Variants in EPB41L4A observed in about 807,000 individuals in gnomAD.
The protein encoded by EPB41L4A is erythrocyte membrane protein band 4.1 like 4A, also known as band 4.1-like protein 4A.
In EPB41L4A, 100 loss-of-function variants were observed where a neutral mutation model predicts 108.6. The ratio of observed to expected loss-of-function variants is 0.92; its 90% confidence interval spans 0.78 to 1.09. The LOEUF is 1.09. Among genes scored for constraint, EPB41L4A ranks in the 50% least tolerant of loss-of-function variants. The pLI is 0.00. For missense variants in EPB41L4A, 1,030 were observed against 842.7 expected (o/e 1.22, Z -2.75); for synonymous variants, 319 against 289.0 (o/e 1.10, Z -1.05).
intron 1 of EPB41L4A, among the ~76,000 whole-genome samples, chr5:112,369,204 A>G (rs576447151): frequency 2.0e-5 from 3 of 152,218 alleles, no homozygotes; most frequent in Admixed American, 1.3e-4. Flanking sequence ...ACCAAACCTT[A>G]CAAGTTTTAC....
downstream of EPB41L4A, among the ~76,000 whole-genome samples, chr5:112,159,628 G>A (rs1759776805): frequency 6.6e-6 from 1 of 152,164 alleles, no homozygotes; most frequent in African/African-American, 2.4e-5. Context: ...CACTGGCCAA[G>A]GCCTGCTGTC....
intron 1 of EPB41L4A, 63 bp from the exon 2 acceptor site, chr5:112,307,553 C>A: frequency 9.8e-7 from 1 of 1,020,706 alleles, no homozygotes; most frequent in South Asian, 1.4e-5. Flanking sequence ...AGTACACAGT[C>A]ATGGTTCTCA....
Position 112,275,384 on chromosome 5 carries a change from AC to A in EPB41L4A, c.276del (p.Leu92PhefsTer19). On this transcript the variant is annotated frameshift_variant, in exon 4 of 23. Transcript: ENST00000261486. LOFTEE classifies it high-confidence loss of function. Reference sequence around the variant, plus strand: ...TCAGCATAGAATTTAATACCAAAATACAAAGTATATGGAGGTCCAGCTAAAA... The same window carrying A: ...TCAGCATAGAATTTAATACCAAAATAAAAGTATATGGAGGTCCAGCTAAAA... ...ELINTGPPYT[L>X]YFGIKFYAED... is the part of the protein sequence containing the mutation. 1 of 1,549,204 alleles carries A rather than the reference AC, an allele frequency of 6.5e-7. No homozygotes were observed.
At chr5:112,174,162 A>T (rs916339118) in intron 18 of EPB41L4A, among the ~76,000 whole-genome samples, 1 of 152,228 alleles carries the variant, frequency 6.6e-6, no homozygotes, top group Non-Finnish European at 1.5e-5. Context: ...TCTGATTGCT[A>T]GACCACCTGT....
chr5:112,360,135 T>C (rs1006078979), intron 1 of EPB41L4A, among the ~76,000 whole-genome samples: 1 of 152,150 alleles, frequency 6.6e-6, no homozygotes, highest in Non-Finnish European at 1.5e-5. Flanking sequence ...TTTGTAAAAG[T>C]AATTATCAGG....
intron 3 of EPB41L4A, among the ~76,000 whole-genome samples, chr5:112,277,218 G>T (rs1241240807): frequency 6.6e-6 from 1 of 152,170 alleles, no homozygotes; most frequent in Non-Finnish European, 1.5e-5. Context: ...CACAGATGCT[G>T]CTGAGATGGT....
At chr5:112,218,928 C>G (rs1747838755) in intron 12 of EPB41L4A, among the ~76,000 whole-genome samples, 1 of 152,110 alleles carries the variant, frequency 6.6e-6, no homozygotes, top group African/African-American at 2.4e-5. Flanking sequence ...ATAAATATGA[C>G]ATTAAAAACT....
intron 11 of EPB41L4A, among the ~76,000 whole-genome samples, chr5:112,238,401 T>C (rs1319759884): frequency 6.6e-6 from 1 of 152,234 alleles, no homozygotes; most frequent in East Asian, 1.9e-4. Flanking sequence ...CACTTAAGTA[T>C]TTTTATTCAT....
At chr5:112,336,214 AT>A (rs1479283022) in intron 1 of EPB41L4A, among the ~76,000 whole-genome samples, 1 of 152,214 alleles carries the variant, frequency 6.6e-6, no homozygotes, top group Non-Finnish European at 1.5e-5. Flanking sequence ...AAACAAACAC[AT>A]TTTAAGTTAA....
intron 1 of EPB41L4A, among the ~76,000 whole-genome samples, chr5:112,368,139 C>A (rs1284080903): frequency 2.6e-5 from 4 of 152,134 alleles, no homozygotes; most frequent in African/African-American, 9.7e-5. Context: ...GCTTTTAAGT[C>A]TTTTATTATA....
At chr5:112,377,664 C>G (rs1759902678) in intron 1 of EPB41L4A, among the ~76,000 whole-genome samples, 1 of 152,184 alleles carries the variant, frequency 6.6e-6, no homozygotes, top group Non-Finnish European at 1.5e-5. Flanking sequence ...ATAATATTAA[C>G]TATCAAACCT....
intron 13 of EPB41L4A, among the ~76,000 whole-genome samples, chr5:112,208,198 A>T (rs1317548343): frequency 7.5e-6 from 1 of 133,686 alleles, no homozygotes; most frequent in African/African-American, 2.7e-5. Flanking sequence ...GTGAGTCAAG[A>T]TGGTGCCACT....
chr5:112,250,163 AAC>A (rs1469939831), intron 9 of EPB41L4A, among the ~76,000 whole-genome samples: 1 of 152,192 alleles, frequency 6.6e-6, no homozygotes, highest in Admixed American at 6.5e-5. Flanking sequence ...TAAAAATAAA[AAC>A]AGCAAAATAT....
At chr5:112,351,549 C>T (rs1758043675) in intron 1 of EPB41L4A, among the ~76,000 whole-genome samples, 2 of 152,164 alleles carry the variant, frequency 1.3e-5, no homozygotes, top group South Asian at 4.2e-4. Flanking sequence ...TGAAGAACAA[C>T]TAACACCAAT....
upstream of EPB41L4A, chr5:112,419,613 T>A: frequency 2.2e-6 from 1 of 455,230 alleles, no homozygotes; most frequent in Non-Finnish European, 4.4e-6. Flanking sequence ...GCGCTCGGCT[T>A]TTCTTTTGTG....
intron 18 of EPB41L4A, among the ~76,000 whole-genome samples, chr5:112,171,519 G>C (rs993372182): frequency 1.3e-5 from 2 of 152,242 alleles, no homozygotes; most frequent in East Asian, 3.8e-4. Context: ...ACTTGGGCCA[G>C]CAAATGCTAG....
chr5:112,370,296 C>T (rs868675212), intron 1 of EPB41L4A, among the ~76,000 whole-genome samples: 3 of 151,564 alleles, frequency 2.0e-5, no homozygotes, highest in Non-Finnish European at 2.9e-5. Flanking sequence ...CTTAGCCTCC[C>T]GAAGTGTTGG....
At chr5:112,151,911 T>C (rs890354117) in intron 12 of EPB41L4A, among the ~76,000 whole-genome samples, 1 of 152,114 alleles carries the variant, frequency 6.6e-6, no homozygotes, top group Non-Finnish European at 1.5e-5. Flanking sequence ...ATTGTATTTT[T>C]AGTAGAGACA....
At chr5:112,378,778 G>T (rs989305921) in intron 1 of EPB41L4A, among the ~76,000 whole-genome samples, 1 of 152,304 alleles carries the variant, frequency 6.6e-6, no homozygotes, top group South Asian at 2.1e-4. Context: ...TTCACTGGAT[G>T]CTCAACTGAA....
Sources: allele counts gnomAD v4.1 joint callset (sites outside exome capture counted in the v4.1 genomes callset), GRCh38; gene constraint gnomAD v4.1.1; transcripts MANE v1.5; gene names NCBI Gene and HGNC (gene_info 2026-07-23, HGNC 2026-07-21).